GTF2IRD2B: variants seen among roughly 807,000 people sequenced by gnomAD.
The protein encoded by GTF2IRD2B is GTF2I repeat domain containing 2B, also known as general transcription factor II-I repeat domain-containing protein 2B.
In GTF2IRD2B, 10 loss-of-function variants were observed where a neutral mutation model predicts 55.6. The ratio of observed to expected loss-of-function variants is 0.18; its 90% CI spans 0.11 to 0.31. The LOEUF (loss-of-function observed/expected upper bound fraction) is 0.31. Ranked by LOEUF, GTF2IRD2B falls within the 10% of genes least tolerant of loss-of-function variation. The pLI, the probability that GTF2IRD2B is intolerant of heterozygous loss-of-function variation, is 1.00. For missense variants in GTF2IRD2B, 206 were observed against 802.7 expected (o/e 0.26, Z 8.98); for synonymous variants, 107 against 320.5 (o/e 0.33, Z 7.12).
chr7:75,096,508 C>T (rs1807383034), intron 1 of GTF2IRD2B, among the ~76,000 whole-genome samples: 1 of 90,234 alleles, frequency 1.1e-5, no homozygotes, highest in Non-Finnish European at 2.1e-5. Flanking sequence ...CTGCAACCTC[C>T]GCCTCCCGGG....
At chr7:75,123,400 C>T (rs1554452191) in intron 5 of GTF2IRD2B, 81 bp downstream of exon 5, 10 of 645,244 alleles carry the variant, frequency 1.5e-5, no homozygotes, top group South Asian at 1.9e-5. Context: ...TCGTGCATCC[C>T]GCCTGCTGCG....
intron 8 of GTF2IRD2B, among the ~76,000 whole-genome samples, chr7:75,132,916 A>G (rs1808713682): frequency 7.0e-6 from 1 of 142,742 alleles, no homozygotes; most frequent in Non-Finnish European, 1.5e-5. Context: ...ATAAACATAC[A>G]TAAATACACA....
At chr7:75,113,775 T>C (rs1554537666) in intron 3 of GTF2IRD2B, among the ~76,000 whole-genome samples, 422 of 108,090 alleles carry the variant, frequency 3.9e-3, no homozygotes, top group African/African-American at 0.014. Flanking sequence ...CGTCAGAGGG[T>C]ATAAGGGTGT....
chr7:75,112,474 C>G lies in GTF2IRD2B; in HGVS notation c.177C>G (p.Thr59=). 1.4e-6 allele frequency: 1 copy of G among 721,814 alleles called. No individual in the cohort carries two copies. Among genetic ancestry groups the G allele is most frequent in the Non-Finnish European group, 2.2e-6 (1 of 450,896 alleles). The allele number at this position is 721,814 out of a possible 1,614,324, so 44.7% of individuals were successfully genotyped here. A position where few individuals can be genotyped will look rare whatever the true frequency, so the allele number is the denominator to read the frequency against. The change falls in exon 3 of 16, where the codon ACC becomes ACG. Residue 59 remains threonine, a synonymous_variant. Transcript: ENST00000472837. ...AAACAGACGTGTTTGTCGTCGGAAC[C>G]GAGAGAGGATGCGCTTTTGTTAATG... ...VYETDVFVVG[T]ERGCAFVNAR... is the part of the protein sequence containing the mutation.
rs1807283186 is a variant in GTF2IRD2B, at chr7:75,092,743, C to T, written c.-28C>T. On this transcript the variant is annotated 5_prime_UTR_variant, in exon 1 of 16. Transcript: ENST00000472837. The stretch of plus-strand genomic sequence containing the variant: ...CCAGGCCTCGGACTCCGCGGCCGGC[C>T]CGGCGCGGCCCAGCGCCCTCAGGTG... 1.3e-5 allele frequency: 2 copies of T among 152,934 alleles called. No individual in the cohort carries two copies. Among genetic ancestry groups the T allele is most frequent in the African/African-American group, 4.8e-5 (2 of 41,448 alleles). 9.5% of individuals were successfully genotyped at this position (152,934 alleles called of 1,614,324 possible). A position where few individuals can be genotyped will look rare whatever the true frequency, so the allele number is the denominator to read the frequency against.
rs1429603249 is a variant in GTF2IRD2B at position 75,092,706 on chromosome 7, C to G, written c.-65C>G. On this transcript the variant is annotated 5_prime_UTR_variant, in exon 1 of 16. Coordinates refer to ENST00000472837, the MANE Select transcript of GTF2IRD2B (RefSeq NM_001003795.3). ...GGCCGCCGCCCTCGGCCATCGGCTG[C>G]TCCCCGGTGGCCCAGGCCTCGGACT... is the stretch of plus-strand genomic sequence containing the variant. The G allele has an allele frequency of 6.5e-6, 1 of 153,278 alleles. No homozygotes were observed. Among genetic ancestry groups the G allele is most frequent in the African/African-American group, 2.4e-5 (1 of 41,476 alleles). 9.5% of individuals were successfully genotyped at this position (153,278 alleles called of 1,614,324 possible).
At chr7:75,104,192 G>T (rs1554449869) in intron 1 of GTF2IRD2B, among the ~76,000 whole-genome samples, 1 of 140,356 alleles carries the variant, frequency 7.1e-6, no homozygotes, top group Non-Finnish European at 1.5e-5. Flanking sequence ...GCACAATCTT[G>T]GCTCACTGCA....
chr7:75,100,256 CAA>C (rs1297326246), intron 1 of GTF2IRD2B, among the ~76,000 whole-genome samples: 1 of 90,006 alleles, frequency 1.1e-5, no homozygotes. Context: ...AACTCTGTCT[CAA>C]AAAAAAAAAA....
At chr7:75,114,008 T>C (rs1221438104) in intron 3 of GTF2IRD2B, among the ~76,000 whole-genome samples, 2 of 149,584 alleles carry the variant, frequency 1.3e-5, no homozygotes, top group Admixed American at 6.8e-5. Flanking sequence ...TATATATATA[T>C]GTATGTAGAT....
In GTF2IRD2B at chr7:75,112,636, G is replaced by C. The variant is rs1310664752; in HGVS notation, c.238+101G>C. 21 of 1,514,648 alleles carry C rather than the reference G, an allele frequency of 1.4e-5. 1 individual carries two copies. In the Admixed American group the frequency reaches 1.5e-4, roughly 11 times the overall value. The allele number at this position is 1,514,648 out of a possible 1,614,324, so 93.8% of individuals were successfully genotyped here. A position where few individuals can be genotyped will look rare whatever the true frequency, so the allele number is the denominator to read the frequency against. On this transcript the variant is annotated intron_variant, in intron 3 of 15. Transcript: ENST00000472837. The stretch of plus-strand genomic sequence containing the variant: ...CTAAGCTATCATAAGCATTCTCCTA[G>C]AAACGATCCTAACACATCTTCTTGG...
In GTF2IRD2B at chr7:75,092,750, G is replaced by C. The variant is rs1193217524; in HGVS notation, c.-21G>C. ...TCGGACTCCGCGGCCGGCCCGGCGC[G>C]GCCCAGCGCCCTCAGGTGCGTACCC... On this transcript the variant is annotated 5_prime_UTR_variant, in exon 1 of 16. Transcript: ENST00000472837. The C allele has an allele frequency of 5.9e-5, 9 of 152,998 alleles. No individual in the cohort carries two copies. In the Admixed American group the frequency reaches 5.9e-4, roughly 10 times the overall value. 9.5% of individuals were successfully genotyped at this position (152,998 alleles called of 1,614,324 possible).
At chr7:75,113,593 T>C (rs1249065793) in intron 3 of GTF2IRD2B, among the ~76,000 whole-genome samples, 9 of 146,258 alleles carry the variant, frequency 6.2e-5, no homozygotes, top group Non-Finnish European at 9.0e-5. Context: ...ATCACACCAC[T>C]GCACTCCAGT....
chr7:75,101,496 T>C (rs1554422021), intron 1 of GTF2IRD2B, among the ~76,000 whole-genome samples: 4 of 147,226 alleles, frequency 2.7e-5, no homozygotes, highest in Non-Finnish European at 6.0e-5. Flanking sequence ...GCCCAGGAGG[T>C]CAAGGCTACA....
intron 3 of GTF2IRD2B, among the ~76,000 whole-genome samples, chr7:75,119,149 A>ATGCCAT (rs1286429225): frequency 2.6e-5 from 3 of 117,348 alleles, no homozygotes; most frequent in African/African-American, 9.9e-5. Context: ...AGCCGAGATC[A>ATGCCAT]TGCCATTGCA....
intron 1 of GTF2IRD2B, among the ~76,000 whole-genome samples, chr7:75,104,588 G>A (rs1345763102): frequency 1.3e-5 from 2 of 152,174 alleles, no homozygotes; most frequent in Admixed American, 6.5e-5. Context: ...TTTCTCTCCC[G>A]GGGATGCTAA....
In GTF2IRD2B at chr7:75,149,608, C is replaced by T. The variant is rs1470712533; in HGVS notation, c.*311C>T. 7 of 357,352 alleles carry T rather than the reference C, an allele frequency of 2.0e-5. No homozygotes were observed. Among genetic ancestry groups the T allele is most frequent in the Non-Finnish European group, 3.8e-5 (7 of 183,002 alleles). The allele number at this position is 357,352 out of a possible 1,614,324, so 22.1% of individuals were successfully genotyped here. On this transcript the variant is annotated 3_prime_UTR_variant, in exon 16 of 16. Coordinates refer to ENST00000472837, the MANE Select transcript of GTF2IRD2B (RefSeq NM_001003795.3). The stretch of plus-strand genomic sequence containing the variant: ...GGCCAGGCTGGTCTCCAACTCCTGA[C>T]CTCAGGTGATCCACCTGCCTCGACC...
At chr7:75,130,570 C>T (rs1296026163) in intron 8 of GTF2IRD2B, among the ~76,000 whole-genome samples, 13 of 152,096 alleles carry the variant, frequency 8.5e-5, no homozygotes, top group South Asian at 2.1e-4. Flanking sequence ...TTCCGCCCCC[C>T]GGGTTCAAGT....
At chr7:75,132,839 C>G (rs147404671) in intron 8 of GTF2IRD2B, among the ~76,000 whole-genome samples, 3,558 of 148,676 alleles carry the variant, frequency 0.024, 46 homozygotes, top group South Asian at 0.048. Flanking sequence ...AGGCATGAGT[C>G]ACCGTGCCCG....
At chr7:75,107,407 C>T (rs1454066138) in intron 1 of GTF2IRD2B, among the ~76,000 whole-genome samples, 1 of 150,308 alleles carries the variant, frequency 6.7e-6, no homozygotes, top group African/African-American at 2.4e-5. Context: ...AACCCCGTCT[C>T]TATTAAAAAT....
Sources: gnomAD v4.1 joint callset for allele counts (sites outside exome capture counted in the v4.1 genomes callset) on GRCh38, gnomAD v4.1.1 for gene constraint, MANE v1.5 for transcripts, NCBI Gene and HGNC (gene_info 2026-07-23, HGNC 2026-07-21) for gene names.